Variants in RCOR2 observed in about 807,000 individuals in gnomAD.
The protein encoded by RCOR2 is REST corepressor 2.
In RCOR2, 19 loss-of-function variants were observed where a neutral mutation model predicts 58.9. The observed-to-expected ratio is 0.32, with a 90% CI of 0.23 to 0.47. RCOR2 has a LOEUF of 0.47. Among genes scored for constraint, RCOR2 ranks in the 20% least tolerant of loss-of-function variants. The probability of loss-of-function intolerance (pLI) is 1.00; values close to 1 mark genes in which losing one functional copy is unlikely to be tolerated. For synonymous variants in RCOR2, 286 were observed against 278.7 expected (o/e 1.03, Z -0.26); for missense variants, 590 against 707.9 (o/e 0.83, Z 1.89).
Position 63,912,195 on chromosome 11 carries a change from A to G in RCOR2, c.1258-16T>C, listed in dbSNP as rs1227139241. 6.3e-7 allele frequency: 1 copy of G among 1,579,148 alleles called. No homozygotes were observed. The highest frequency in any genetic ancestry group is 8.6e-7 in the Non-Finnish European group (1 of 1,163,464). ...TAATCTGGACCTGAGGGGAGAGGAA[A>G]GAGTGAGAAGCCAGGCTCTTCCCGC... On this transcript the variant is annotated splice_polypyrimidine_tract_variant and intron_variant, in intron 11 of 11. Transcript: ENST00000301459.
chr11:63,926,156 C>T, the RCOR2 span, among the ~76,000 whole-genome samples: 25 of 152,156 alleles, frequency 1.6e-4, no homozygotes, highest in Non-Finnish European at 2.6e-4. Context: ...GGTGATCTGC[C>T]CTCCTCAGCC....
At chr11:63,927,544 C>T in the RCOR2 span, among the ~76,000 whole-genome samples, 2 of 152,172 alleles carry the variant, frequency 1.3e-5, no homozygotes, top group African/African-American at 4.8e-5. Flanking sequence ...TCTGGGATTA[C>T]AGGTATGAGC....
At chr11:63,926,496 T>TG in the RCOR2 span, among the ~76,000 whole-genome samples, 111 of 150,802 alleles carry the variant, frequency 7.4e-4, no homozygotes, top group African/African-American at 2.6e-3. Context: ...TCTCTTTTTT[T>TG]TTTTTTGTTT....
intron 2 of RCOR2, 116 bp from the exon 3 acceptor site, chr11:63,915,374 G>T: frequency 8.8e-7 from 1 of 1,142,764 alleles, no homozygotes; most frequent in South Asian, 1.3e-5. Flanking sequence ...GCCCAGAAGG[G>T]AAGGAGGGGC....
At chr11:63,921,138 T>G (rs923781265), upstream of RCOR2, among the ~76,000 whole-genome samples, 1 of 152,086 alleles carries the variant, frequency 6.6e-6, no homozygotes, top group Non-Finnish European at 1.5e-5. Flanking sequence ...CTGACATCCC[T>G]GGGGAAGGGT....
chr11:63,918,578 C>T (rs1941893313), upstream of RCOR2, among the ~76,000 whole-genome samples: 2 of 152,190 alleles, frequency 1.3e-5, no homozygotes, highest in Admixed American at 1.3e-4. Flanking sequence ...AATGAATGGA[C>T]CAGGGGCTGG....
At chr11:63,918,882 C>A (rs1439421945), upstream of RCOR2, among the ~76,000 whole-genome samples, 1 of 152,120 alleles carries the variant, frequency 6.6e-6, no homozygotes, top group Admixed American at 6.5e-5. Context: ...TATTTCTTGC[C>A]TCCCTACTCC....
At position 63,916,435 on chromosome 11, in the gene RCOR2, G is replaced by A. The variant is rs772745604; in HGVS notation, c.22C>T (p.Pro8Ser). 1 of 1,607,962 alleles carries A rather than the reference G, an allele frequency of 6.2e-7. No homozygotes were observed. The highest frequency in any genetic ancestry group is 8.5e-7 in the Non-Finnish European group (1 of 1,178,100). The change falls in exon 1 of 12, where the codon CCG (proline) becomes TCG (serine). Residue 8 changes from proline (P) to serine (S), a missense_variant. Pro to Ser is a moderately conservative substitution (Grantham distance 74). Transcript: ENST00000301459. MPSVMEK[P>S]SAGSGILSRS... ...GACAGGATCCCAGAGCCCGCGCTCG[G>A]CTTCTCCATCACTGAGGGCATTACC...
chr11:63,911,833 T>C lies in RCOR2; in HGVS notation c.*32A>G, dbSNP rs1277951958. 2 of 1,475,764 alleles carry C rather than the reference T, an allele frequency of 1.4e-6. No individual in the cohort carries two copies. Among genetic ancestry groups the C allele is most frequent in the South Asian group, 2.7e-5 (2 of 73,238 alleles). The allele number at this position is 1,475,764 out of a possible 1,614,324, so 91.4% of individuals were successfully genotyped here. A position where few individuals can be genotyped will look rare whatever the true frequency, so the allele number is the denominator to read the frequency against. ...CTGGGGATGGCCAGCAAAGGGGTCC[T>C]GGAGCCCGTGGTTGGTGGAGGACGT... On this transcript the variant is annotated 3_prime_UTR_variant, in exon 12 of 12. Coordinates refer to ENST00000301459, the MANE Select transcript of RCOR2 (RefSeq NM_173587.4).
chr11:63,911,742 A>G lies in RCOR2; in HGVS notation c.*123T>C, dbSNP rs1292524910. On this transcript the variant is annotated 3_prime_UTR_variant, in exon 12 of 12. Transcript: ENST00000301459. ...AAAGGGCGGGGCTGGGCTGTCCGAA[A>G]CTCTGGTCTTACAAAGACCCCGCCA... The G allele has an allele frequency of 2.2e-6, 3 of 1,373,576 alleles. No individual in the cohort carries two copies. In the Admixed American group the frequency reaches 1.1e-4, roughly 51 times the overall value. The allele number at this position is 1,373,576 out of a possible 1,614,324, so 85.1% of individuals were successfully genotyped here. A position where few individuals can be genotyped will look rare whatever the true frequency, so the allele number is the denominator to read the frequency against.
At chr11:63,915,530 C>A in intron 2 of RCOR2, 25 bp downstream of exon 2, 3 of 1,552,142 alleles carry the variant, frequency 1.9e-6, no homozygotes, top group Non-Finnish European at 2.6e-6. Context: ...CCCCACCCCA[C>A]TTCACAGCCT....
At chr11:63,925,269 GAC>G in the RCOR2 span, among the ~76,000 whole-genome samples, 2 of 152,158 alleles carry the variant, frequency 1.3e-5, no homozygotes, top group African/African-American at 4.8e-5. Flanking sequence ...CTGGTCCCCT[GAC>G]ATCCATCCCC....
rs547700645 is a variant in RCOR2, at chr11:63,916,541, C to A, written c.-85G>T. ...CACTCGCTCCGAGTGCCGAGCCCGG[C>A]CCGGCCTGGAGAGGTCGCCACTGAG... On this transcript the variant is annotated 5_prime_UTR_variant, in exon 1 of 12. Coordinates refer to ENST00000301459, the MANE Select transcript of RCOR2 (RefSeq NM_173587.4). The A allele has an allele frequency of 3.1e-3, 4,643 of 1,499,162 alleles. 15 individuals are homozygous for A. The highest frequency in any genetic ancestry group is 3.7e-3 in the Non-Finnish European group (4,124 of 1,126,400). 92.9% of individuals were successfully genotyped at this position (1,499,162 alleles called of 1,614,324 possible). A position where few individuals can be genotyped will look rare whatever the true frequency, so the allele number is the denominator to read the frequency against.
In RCOR2 at chr11:63,916,375, G is replaced by C. The variant is rs200098023; in HGVS notation, c.82C>G (p.Gln28Glu). 22 of 1,607,278 alleles carry C rather than the reference G, an allele frequency of 1.4e-5. No homozygotes were observed. Among genetic ancestry groups the C allele is most frequent in the Non-Finnish European group, 1.9e-5 (22 of 1,177,680 alleles). Residue 28 changes from glutamine (Q) to glutamate (E), a missense_variant, in exon 1 of 12, where the codon CAG (glutamine) becomes GAG (glutamate). By Grantham distance (29) the Gln-to-Glu change is conservative. Transcript: ENST00000301459. Reference protein sequence around the residue: ...SRAKTVPNGGQPHSEDDSSEE... With the variant: ...SRAKTVPNGGEPHSEDDSSEE... ...CTGCTGTCATCCTCCGAGTGGGGCT[G>C]TCCGCCGTTGGGCACCGTCTTGGCC...
In RCOR2 at chr11:63,911,949, G is replaced by A. The variant is rs1311875963; in HGVS notation, c.1488C>T (p.Ala496=). The change falls in exon 12 of 12, where the codon GCC becomes GCT. Residue 496 remains alanine, a synonymous_variant. Coordinates refer to ENST00000301459, the MANE Select transcript of RCOR2 (RefSeq NM_173587.4). ...GGCCAGGGCGGGCGCTGTGGCGGGG[G>A]GCAGCCAGAGCGGGGCGGATGAGAG... is the stretch of plus-strand genomic sequence containing the variant. ...PPPLIRPALA[A]PRHSARPGPQ... 3.0e-6 allele frequency: 4 copies of A among 1,330,974 alleles called. No individual in the cohort carries two copies. The highest frequency in any genetic ancestry group is 4.0e-6 in the Non-Finnish European group (4 of 1,005,502). The allele number at this position is 1,330,974 out of a possible 1,614,324, so 82.4% of individuals were successfully genotyped here. A position where few individuals can be genotyped will look rare whatever the true frequency, so the allele number is the denominator to read the frequency against.
At position 63,914,938 on chromosome 11, in the gene RCOR2, C is replaced by T. The variant is rs777252669; in HGVS notation, c.282G>A (p.Ala94=). 32 of 1,613,942 alleles carry T rather than the reference C, an allele frequency of 2.0e-5. No homozygotes were observed. The highest frequency in any genetic ancestry group is 2.3e-5 in the Non-Finnish European group (27 of 1,180,012). ...TGTAGCCATGCTTCTCCTTGGCCAT[C>T]GCAATGTACTTGTCAACTGCAGGGG... The part of the protein sequence containing the change: ...VSDAKLDKYI[A]MAKEKHGYNI... Residue 94 remains alanine, a synonymous_variant, in exon 4 of 12, where the codon GCG becomes GCA. Coordinates refer to ENST00000301459, the MANE Select transcript of RCOR2 (RefSeq NM_173587.4).
chr11:63,916,505 A>T lies in RCOR2; in HGVS notation c.-49T>A, dbSNP rs1360063391. ...GGCGCAGGAGCCTTCGGAGAGCGAC[A>T]GTGGTTGCCGCACTCGCTCCGAGTG... On this transcript the variant is annotated 5_prime_UTR_variant, in exon 1 of 12. Coordinates refer to ENST00000301459, the MANE Select transcript of RCOR2 (RefSeq NM_173587.4). 1.9e-6 allele frequency: 3 copies of T among 1,571,290 alleles called. No homozygotes were observed. The highest frequency in any genetic ancestry group is 2.6e-6 in the Non-Finnish European group (3 of 1,161,116).
Position 63,916,321 on chromosome 11 carries a change from CG to C in RCOR2, c.127+8del. 6.3e-7 allele frequency: 1 copy of C among 1,599,048 alleles called. No homozygotes were observed. The highest frequency in any genetic ancestry group is 8.5e-7 in the Non-Finnish European group (1 of 1,174,656). On this transcript the variant is annotated splice_region_variant and intron_variant, in intron 1 of 11. Transcript: ENST00000301459. The stretch of plus-strand genomic sequence containing the variant: ...CGGCGCGCCTTTAACCCTAGGCCAC[CG>C]GGCTCACCGTGCGAGTGCTCCTCCT...
Position 63,915,230 on chromosome 11 carries a change from C to G in RCOR2, c.213G>C (p.Glu71Asp). 1 of 1,551,462 alleles carries G rather than the reference C, an allele frequency of 6.4e-7. No homozygotes were observed. The highest frequency in any genetic ancestry group is 8.7e-7 in the Non-Finnish European group (1 of 1,147,018). Residue 71 changes from glutamate (E) to aspartate (D), a missense_variant, in exon 3 of 12, where the codon GAG becomes GAC. Physicochemically the swap from Glu to Asp is conservative, Grantham distance 45. This residue lies in a region of RCOR2 where 390 missense variants were observed against 478.7 expected (regional missense o/e 0.81). Transcript: ENST00000301459. ...GTGACCACACCAGCATCCCCTTCAG[C>G]TCCTTGTTGCTGTAGCGTGCGGGGC... ...PESPARYSNK[E>D]LKGMLVWSPN... is the part of the protein sequence containing the mutation.
Sources: gnomAD v4.1 joint callset for allele counts (sites outside exome capture counted in the v4.1 genomes callset) on GRCh38, gnomAD v4.1.1 for gene constraint, gnomAD v4.1.1 regional missense constraint, MANE v1.5 for transcripts, NCBI Gene and HGNC (gene_info 2026-07-23, HGNC 2026-07-21) for gene names.